The following SNTB1 variants were observed in gnomAD, a reference collection of about 807,000 sequenced individuals.
SNTB1 encodes the protein beta-1-syntrophin.
A neutral mutation model predicts 48.9 loss-of-function variants in SNTB1; 36 were observed. The ratio of observed to expected loss-of-function variants is 0.74; its 90% CI spans 0.56 to 0.97. The LOEUF (loss-of-function observed/expected upper bound fraction) is 0.97. Ranked by LOEUF, SNTB1 falls within the 50% of genes least tolerant of loss-of-function variation. SNTB1 has a pLI of 0.00. For missense variants in SNTB1, 786 were observed against 703.4 expected (o/e 1.12, Z -1.33); for synonymous variants, 299 against 294.6 (o/e 1.01, Z -0.15).
intron 3 of SNTB1, among the ~76,000 whole-genome samples, chr8:120,575,776 TCCATTCA>T (rs966595069): frequency 2.0e-5 from 3 of 152,168 alleles, no homozygotes; most frequent in Admixed American, 2.0e-4. Flanking sequence ...AATGTCCAGT[TCCATTCA>T]CCACCCATAA....
intron 3 of SNTB1, among the ~76,000 whole-genome samples, chr8:120,623,606 A>G (rs1165323033): frequency 6.6e-6 from 1 of 152,166 alleles, no homozygotes. Flanking sequence ...GGCTGTGAGT[A>G]TATGTGACTA....
At chr8:120,786,098 C>G (rs1481027844) in intron 1 of SNTB1, among the ~76,000 whole-genome samples, 1 of 152,202 alleles carries the variant, frequency 6.6e-6, no homozygotes. Flanking sequence ...TGCTGGGAGA[C>G]TAGAGGACAG....
At chr8:120,686,084 G>A (rs762576032) in intron 2 of SNTB1, among the ~76,000 whole-genome samples, 4 of 152,024 alleles carry the variant, frequency 2.6e-5, no homozygotes, top group Non-Finnish European at 2.9e-5. Context: ...AGATAATTTC[G>A]AAGAAGACTG....
Position 120,644,487 on chromosome 8 carries a change from T to C in SNTB1, c.789-11836A>G, listed in dbSNP as rs181879145. On this transcript the variant is annotated intron_variant, in intron 2 of 6. Coordinates refer to ENST00000517992, the MANE Select transcript of SNTB1 (RefSeq NM_021021.4). ...TTCATCCATGTCCCTACAAAGGACATGAACTCATCATTTTTTATGGCTACA... is the reference window on the plus strand; with the variant it reads ...TTCATCCATGTCCCTACAAAGGACACGAACTCATCATTTTTTATGGCTACA... Among the ~76,000 whole-genome samples the C allele has an allele frequency of 6.5e-3, 993 of 152,246 alleles. 13 individuals are homozygous for C. The Middle Eastern group carries it at 0.075, about 11-fold the overall frequency.
At chr8:120,659,075 T>C (rs1001620794) in intron 2 of SNTB1, among the ~76,000 whole-genome samples, 1 of 152,038 alleles carries the variant, frequency 6.6e-6, no homozygotes, top group Non-Finnish European at 1.5e-5. Flanking sequence ...GTGATTCTCC[T>C]GCCTTAGCCT....
chr8:120,779,545 GGA>G (rs538106266), intron 1 of SNTB1, among the ~76,000 whole-genome samples: 4 of 152,188 alleles, frequency 2.6e-5, no homozygotes, highest in African/African-American at 2.4e-5. Flanking sequence ...ATTGTAAAGT[GGA>G]GAGTTAGAAG....
At chr8:120,583,198 T>C (rs1816076667) in intron 3 of SNTB1, among the ~76,000 whole-genome samples, 1 of 152,108 alleles carries the variant, frequency 6.6e-6, no homozygotes, top group Non-Finnish European at 1.5e-5. Context: ...CTAAAGCATA[T>C]TCAAGAAGAA....
intron 1 of SNTB1, among the ~76,000 whole-genome samples, chr8:120,782,682 T>C (rs932281085): frequency 9.2e-5 from 14 of 152,134 alleles, no homozygotes; most frequent in Non-Finnish European, 1.5e-4. Context: ...CATCCAATAA[T>C]GTAAAAACAT....
At position 120,538,474 on chromosome 8, in the gene SNTB1, G is replaced by A. The variant is rs893454811; in HGVS notation, c.*403C>T. 6 of 321,246 alleles carry A rather than the reference G, an allele frequency of 1.9e-5. No individual in the cohort carries two copies. Among genetic ancestry groups the A allele is most frequent in the South Asian group, 1.0e-4 (4 of 39,366 alleles). 19.9% of individuals were successfully genotyped at this position (321,246 alleles called of 1,614,324 possible). The stretch of plus-strand genomic sequence containing the variant: ...TGGGGATAGGGGGCTAGGAGGAGTA[G>A]GTAAGAATGTCCATTTCTCAACTAT... On this transcript the variant is annotated 3_prime_UTR_variant, in exon 7 of 7. Coordinates refer to ENST00000517992, the MANE Select transcript of SNTB1 (RefSeq NM_021021.4).
chr8:120,778,475 A>G (rs751772471), intron 1 of SNTB1, among the ~76,000 whole-genome samples: 1 of 152,232 alleles, frequency 6.6e-6, no homozygotes, highest in African/African-American at 2.4e-5. Flanking sequence ...GCATTTCTGC[A>G]AACTTTTCAT....
chr8:120,579,177 AAAACAAAC>A (rs61054676), intron 3 of SNTB1, among the ~76,000 whole-genome samples: 28,919 of 115,408 alleles, frequency 0.25, 3,428 homozygotes, highest in East Asian at 0.48. Flanking sequence ...ACTCTGTCTC[AAAACAAAC>A]AAACAAACAA....
chr8:120,588,438 C>T (rs1221473376), intron 3 of SNTB1, among the ~76,000 whole-genome samples: 1 of 151,352 alleles, frequency 6.6e-6, no homozygotes, highest in East Asian at 1.9e-4. Flanking sequence ...AATTGTAAAA[C>T]TGTGTTCCAA....
chr8:120,786,843 A>G (rs558967907), intron 1 of SNTB1, among the ~76,000 whole-genome samples: 1 of 152,268 alleles, frequency 6.6e-6, no homozygotes, highest in South Asian at 2.1e-4. Context: ...TGTTAGGGTA[A>G]TGTGTTTGTC....
intron 2 of SNTB1, among the ~76,000 whole-genome samples, chr8:120,648,972 T>C (rs2129705738): frequency 6.6e-6 from 1 of 150,896 alleles, no homozygotes; most frequent in East Asian, 1.9e-4. Flanking sequence ...CTCCTGAGGC[T>C]TCTGCATTCT....
intron 3 of SNTB1, among the ~76,000 whole-genome samples, chr8:120,618,905 T>A (rs568308384): frequency 1.3e-5 from 2 of 152,324 alleles, no homozygotes; most frequent in South Asian, 4.1e-4. Flanking sequence ...TCAAGGTTCA[T>A]GGTTAAGCTT....
intron 1 of SNTB1, among the ~76,000 whole-genome samples, chr8:120,745,607 G>A (rs937899793): frequency 4.6e-5 from 7 of 152,010 alleles, no homozygotes; most frequent in African/African-American, 7.3e-5. Flanking sequence ...TCATTTGTCA[G>A]TAACATTTTA....
intron 3 of SNTB1, among the ~76,000 whole-genome samples, chr8:120,594,759 C>T (rs1816296517): frequency 6.6e-6 from 1 of 151,980 alleles, no homozygotes; most frequent in Non-Finnish European, 1.5e-5. Context: ...TTTAGCACCT[C>T]AGAGGGATAT....
intron 2 of SNTB1, among the ~76,000 whole-genome samples, chr8:120,681,962 A>C (rs1817938501): frequency 6.6e-6 from 1 of 152,230 alleles, no homozygotes; most frequent in Admixed American, 6.5e-5. Context: ...AAAAGAGAGA[A>C]TATTCTCCAA....
rs528834800 is a variant in SNTB1 at position 120,550,559 on chromosome 8, A to C, written c.1137-1601T>G. Among the ~76,000 whole-genome samples the C allele has an allele frequency of 1.2e-4, 18 of 151,498 alleles. No individual in the cohort carries two copies. In the East Asian group the frequency reaches 3.5e-3, roughly 29 times the overall value. On this transcript the variant is annotated intron_variant, in intron 4 of 6. Coordinates refer to ENST00000517992, the MANE Select transcript of SNTB1 (RefSeq NM_021021.4). ...TCTGTCTTTAAAAAAAAAAAAAAAA[A>C]AAAGAGAGATATGGAAGTTCTGTGA...
Sources: gnomAD v4.1 joint callset for allele counts (sites outside exome capture counted in the v4.1 genomes callset) on GRCh38, gnomAD v4.1.1 for gene constraint, MANE v1.5 for transcripts, NCBI Gene and HGNC (gene_info 2026-07-23, HGNC 2026-07-21) for gene names.